EEF1G: variants seen among roughly 807,000 people sequenced by gnomAD.
EEF1G encodes the protein elongation factor 1-gamma.
A neutral mutation model predicts 58.3 loss-of-function variants in EEF1G; 14 were observed. The observed-to-expected ratio is 0.24, with a 90% CI of 0.16 to 0.38. The LOEUF (loss-of-function observed/expected upper bound fraction) is 0.38. Among genes scored for constraint, EEF1G ranks in the 10% least tolerant of loss-of-function variants. EEF1G has a pLI of 1.00. For synonymous variants in EEF1G, 180 were observed against 206.8 expected (o/e 0.87, Z 1.11); for missense variants, 322 against 550.1 (o/e 0.59, Z 4.15).
intron 7 of EEF1G, among the ~76,000 whole-genome samples, chr11:62,565,807 C>T (rs1941548910): frequency 6.6e-6 from 1 of 152,098 alleles, no homozygotes; most frequent in Non-Finnish European, 1.5e-5. Flanking sequence ...TCAGCTATAC[C>T]CCAAGTTGCT....
At chr11:62,564,085 C>A (rs1257294032) in intron 7 of EEF1G, among the ~76,000 whole-genome samples, 3 of 152,332 alleles carry the variant, frequency 2.0e-5, no homozygotes, top group South Asian at 4.1e-4. Flanking sequence ...CTGCAGTTGA[C>A]CTAGCTGGGT....
intron 1 of EEF1G, chr11:62,573,228 G>A (rs964776621): frequency 1.9e-5 from 3 of 157,472 alleles, no homozygotes; most frequent in African/African-American, 7.2e-5. Context: ...ACTAGCCAGA[G>A]ATAGGGGATG....
At chr11:62,567,114 G>C in intron 6 of EEF1G, 104 bp from the exon 7 acceptor site, 1 of 1,258,874 alleles carries the variant, frequency 7.9e-7, no homozygotes, top group Non-Finnish European at 1.1e-6. Context: ...CTGACGAATG[G>C]GACAAGTAAG....
At chr11:62,568,330 G>A (rs1051410705) in intron 5 of EEF1G, among the ~76,000 whole-genome samples, 1 of 142,732 alleles carries the variant, frequency 7.0e-6, no homozygotes, top group African/African-American at 2.6e-5. Context: ...GGAGGTTGCA[G>A]TGAACCGAGA....
chr11:62,569,930 C>T (rs1941605721), intron 5 of EEF1G, among the ~76,000 whole-genome samples: 1 of 152,186 alleles, frequency 6.6e-6, no homozygotes, highest in Non-Finnish European at 1.5e-5. Flanking sequence ...ATTATTACTA[C>T]CCTGATTTTA....
chr11:62,562,113 C>G (rs538865427), intron 7 of EEF1G, among the ~76,000 whole-genome samples: 1 of 152,360 alleles, frequency 6.6e-6, no homozygotes, highest in Non-Finnish European at 1.5e-5. Context: ...GCACCTGGTA[C>G]GGTTGCTTTT....
At chr11:62,562,725 C>T (rs992647003) in intron 7 of EEF1G, among the ~76,000 whole-genome samples, 5 of 152,108 alleles carry the variant, frequency 3.3e-5, no homozygotes, top group Non-Finnish European at 7.4e-5. Flanking sequence ...GTGATCCGCC[C>T]GCCTCGGCCT....
At chr11:62,564,202 C>T (rs1273523646) in intron 7 of EEF1G, among the ~76,000 whole-genome samples, 2 of 152,234 alleles carry the variant, frequency 1.3e-5, no homozygotes, top group Non-Finnish European at 2.9e-5. Context: ...GTGGCTCACG[C>T]CTGTAATCCC....
chr11:62,572,885 T>G (rs1941652981), intron 1 of EEF1G, 143 bp from the exon 2 acceptor site: 2 of 668,380 alleles, frequency 3.0e-6, no homozygotes, highest in Non-Finnish European at 4.8e-6. Context: ...CCTTTAGTAC[T>G]TGTCATATGT....
chr11:62,561,510 T>TA (rs71458419), intron 7 of EEF1G, among the ~76,000 whole-genome samples: 32,480 of 102,204 alleles, frequency 0.32, 4,953 homozygotes, highest in Non-Finnish European at 0.41. Context: ...CTATCTCTAC[T>TA]AAAAAAAAAA....
At chr11:62,566,649 T>C (rs1343618980) in intron 7 of EEF1G, among the ~76,000 whole-genome samples, 157 bp downstream of exon 7, 1 of 152,256 alleles carries the variant, frequency 6.6e-6, no homozygotes, top group African/African-American at 2.4e-5. Context: ...AATTCCTGAT[T>C]ATCAGCCAGA....
chr11:62,569,087 A>G (rs1179509427), intron 5 of EEF1G, among the ~76,000 whole-genome samples: 10 of 148,976 alleles, frequency 6.7e-5, no homozygotes, highest in African/African-American at 1.0e-4. Context: ...ACACACACGC[A>G]CACACACACA....
At chr11:62,571,436 A>G (rs1941629784) in intron 4 of EEF1G, 104 bp downstream of exon 4, 1 of 1,453,750 alleles carries the variant, frequency 6.9e-7, no homozygotes. Flanking sequence ...CATTGCCTAC[A>G]TATCCTTGGC....
chr11:62,565,929 T>C (rs369634519), intron 7 of EEF1G, among the ~76,000 whole-genome samples: 5 of 152,194 alleles, frequency 3.3e-5, no homozygotes, highest in Middle Eastern at 6.8e-3. Flanking sequence ...CATTACAAGA[T>C]GGGAGAGGGT....
At chr11:62,561,682 C>CAAAAAAAAAAAAAAAAAAAAAAAAAAAAA (rs58957254) in intron 7 of EEF1G, among the ~76,000 whole-genome samples, 1 of 124,608 alleles carries the variant, frequency 8.0e-6, no homozygotes, top group African/African-American at 2.9e-5. Flanking sequence ...AAAAAAAAAA[C>CAAAAAAAAAAAAAAAAAAAAAAAAAAAAA]AAAAAAAAAA....
intron 7 of EEF1G, among the ~76,000 whole-genome samples, chr11:62,564,758 CAAAAAAAAAAAAAAA>C (rs34663205): frequency 1.3e-5 from 1 of 75,054 alleles, no homozygotes; most frequent in Non-Finnish European, 2.1e-5. Flanking sequence ...GACTCCATCT[CAAAAAAAAAAAAAAA>C]AAAAAAAAAG....
intron 7 of EEF1G, among the ~76,000 whole-genome samples, chr11:62,565,211 G>A (rs956705571): frequency 5.3e-5 from 8 of 152,064 alleles, no homozygotes; most frequent in Admixed American, 3.3e-4. Context: ...AACATAGTGA[G>A]ACCTAGTCTC....
In EEF1G at chr11:62,564,758, C is replaced by CA. The variant is rs34663205; in HGVS notation, c.857+2047dup. ...TGGGCGACAGAGCCAGACTCCATCTCAAAAAAAAAAAAAAAAAAAAAAAAG... is the reference window on the plus strand; with the variant it reads ...TGGGCGACAGAGCCAGACTCCATCTCAAAAAAAAAAAAAAAAAAAAAAAAAG... On this transcript the variant is annotated intron_variant, in intron 7 of 9. Transcript: ENST00000329251. Among the ~76,000 whole-genome samples, 691 of 74,966 alleles carry CA rather than the reference C, an allele frequency of 9.2e-3. 39 individuals carry two copies. Among genetic ancestry groups the CA allele is most frequent in the African/African-American group, 0.041 (544 of 13,128 alleles). The allele number at this position is 74,966 out of a possible 152,430, so 49.2% of individuals were successfully genotyped here.
chr11:62,570,703 C>T (rs540463664), intron 5 of EEF1G, among the ~76,000 whole-genome samples: 39 of 152,120 alleles, frequency 2.6e-4, no homozygotes, highest in Middle Eastern at 6.8e-3. Context: ...TATAGGTGTG[C>T]GCCACCACAC....
Sources: gnomAD v4.1 joint callset for allele counts (sites outside exome capture counted in the v4.1 genomes callset) on GRCh38, gnomAD v4.1.1 for gene constraint, MANE v1.5 for transcripts, NCBI Gene and HGNC (gene_info 2026-07-23, HGNC 2026-07-21) for gene names.